The following FBXL5 variants were observed in gnomAD, a reference collection of about 807,000 sequenced individuals.
The protein encoded by FBXL5 is F-box and leucine rich repeat protein 5.
A neutral mutation model predicts 78.3 loss-of-function variants in FBXL5; 26 were observed. That is an observed-to-expected ratio of 0.33 (90% CI 0.24 to 0.46). The LOEUF is 0.46. Among genes scored for constraint, FBXL5 ranks in the 20% least tolerant of loss-of-function variants. The probability of loss-of-function intolerance (pLI) is 1.00; values close to 1 mark genes in which losing one functional copy is unlikely to be tolerated. For missense variants in FBXL5, 710 were observed against 829.2 expected, an observed-to-expected ratio of 0.86 and a Z score of 1.77; for synonymous variants, 295 against 282.5, an observed-to-expected ratio of 1.04 and a Z score of -0.45.
At chr4:15,636,375 T>C in intron 5 of FBXL5, 119 bp downstream of exon 5, 1 of 782,708 alleles carries the variant, frequency 1.3e-6, no homozygotes, top group Non-Finnish European at 1.8e-6. Flanking sequence ...ATCATCTAAC[T>C]ATAAAATCTA....
intron 9 of FBXL5, among the ~76,000 whole-genome samples, chr4:15,624,711 A>C (rs1577439894): frequency 6.6e-6 from 1 of 152,118 alleles, no homozygotes; most frequent in Non-Finnish European, 1.5e-5. Flanking sequence ...TGACTTAAAA[A>C]AGCAACAGAA....
At chr4:15,636,408 T>TTCC in intron 5 of FBXL5, 86 bp downstream of exon 5, 4 of 1,074,424 alleles carry the variant, frequency 3.7e-6, no homozygotes, top group Non-Finnish European at 5.0e-6. Context: ...CCTCTCAGAG[T>TTCC]TTCTCTCTCT....
upstream of FBXL5, among the ~76,000 whole-genome samples, chr4:15,664,824 G>A (rs1238222535): frequency 6.6e-6 from 1 of 152,020 alleles, no homozygotes; most frequent in African/African-American, 2.4e-5. Context: ...CTCCCAAAGT[G>A]CTGGGATTAC....
chr4:15,654,238 T>C (rs1365207658), intron 1 of FBXL5, among the ~76,000 whole-genome samples: 1 of 152,242 alleles, frequency 6.6e-6, no homozygotes, highest in Non-Finnish European at 1.5e-5. Context: ...ACAGTAGTCA[T>C]TTGAATGCTT....
chr4:15,636,441 G>A (rs1714273468), intron 5 of FBXL5, 53 bp downstream of exon 5: 5 of 1,356,486 alleles, frequency 3.7e-6, no homozygotes, highest in Non-Finnish European at 4.9e-6. Context: ...TAATGTAAAT[G>A]AATATTCATC....
At chr4:15,647,222 C>CAAAAAAAAAAAAA (rs112736448) in intron 1 of FBXL5, among the ~76,000 whole-genome samples, 1 of 36,528 alleles carries the variant, frequency 2.7e-5, no homozygotes, top group African/African-American at 1.1e-4. Context: ...GACTCCATCT[C>CAAAAAAAAAAAAA]AAAAAAAAAA....
intron 10 of FBXL5, among the ~76,000 whole-genome samples, chr4:15,606,291 T>A (rs922490374): frequency 6.6e-6 from 1 of 152,182 alleles, no homozygotes; most frequent in Non-Finnish European, 1.5e-5. Context: ...ATTTGCCATA[T>A]TTTTATTTAG....
chr4:15,614,779 C>T (rs1402990954), intron 9 of FBXL5, among the ~76,000 whole-genome samples: 1 of 152,140 alleles, frequency 6.6e-6, no homozygotes, highest in East Asian at 1.9e-4. Context: ...CGCTTGCTCT[C>T]AGCACCTCCT....
At chr4:15,657,152 G>A (rs984793023), upstream of FBXL5, among the ~76,000 whole-genome samples, 17 of 152,210 alleles carry the variant, frequency 1.1e-4, no homozygotes, top group African/African-American at 3.9e-4. Flanking sequence ...CCTCCAGAGA[G>A]CATTTTCTTA....
At chr4:15,614,963 C>A (rs1262791820) in intron 9 of FBXL5, among the ~76,000 whole-genome samples, 2 of 152,150 alleles carry the variant, frequency 1.3e-5, no homozygotes, top group Non-Finnish European at 2.9e-5. Flanking sequence ...TGCGGGCCAG[C>A]TGGAGTTCCG....
chr4:15,645,688 A>G (rs1715282128), intron 1 of FBXL5, among the ~76,000 whole-genome samples: 1 of 152,072 alleles, frequency 6.6e-6, no homozygotes, highest in Admixed American at 6.6e-5. Context: ...CGGCCTCCCA[A>G]AGTGCTGGGA....
At chr4:15,666,050 AT>A (rs1717531561) in intron 1 of FBXL5, among the ~76,000 whole-genome samples, 1 of 151,822 alleles carries the variant, frequency 6.6e-6, no homozygotes, top group African/African-American at 2.4e-5. Context: ...CCATTTCCTC[AT>A]CTTGTTCTTG....
chr4:15,681,524 A>G (rs1718272353), exon 1 of FBXL5: 1 of 158,116 alleles, frequency 6.3e-6, no homozygotes, highest in African/African-American at 2.4e-5. Context: ...CCCGCCCACC[A>G]GCTCAGAGGC....
intron 3 of FBXL5, 96 bp downstream of exon 3, chr4:15,640,692 T>A: frequency 1.7e-6 from 1 of 587,738 alleles, no homozygotes; most frequent in Non-Finnish European, 2.9e-6. Context: ...ATCAACCAGA[T>A]ACATCTTCCT....
At chr4:15,643,251 G>C (rs1395571095) in intron 2 of FBXL5, among the ~76,000 whole-genome samples, 2 of 151,986 alleles carry the variant, frequency 1.3e-5, no homozygotes, top group African/African-American at 4.8e-5. Context: ...TCCTCCTTTA[G>C]TCTTTTCTTT....
chr4:15,651,567 G>A (rs1490565092), intron 1 of FBXL5, among the ~76,000 whole-genome samples: 18 of 152,010 alleles, frequency 1.2e-4, no homozygotes, highest in Admixed American at 1.1e-3. Context: ...AATTGTTACA[G>A]GTATGCAGAA....
chr4:15,647,181 C>T (rs1715452077), intron 1 of FBXL5, among the ~76,000 whole-genome samples: 1 of 137,516 alleles, frequency 7.3e-6, no homozygotes, highest in Non-Finnish European at 1.5e-5. Flanking sequence ...CGAGATCATG[C>T]CACTGCACTC....
rs149814355 is a variant in FBXL5 at position 15,669,836 on chromosome 4, T to C, written c.-283-9914A>G. On this transcript the variant is annotated intron_variant, in intron 1 of 4. Transcript: ENST00000507899. ...ACATATTTTACTGATATTTTCAGCA[T>C]TTTTTATGAACTATATTTATAATTA... is the stretch of plus-strand genomic sequence containing the variant. 5.6e-3 allele frequency among the ~76,000 whole-genome samples: 855 copies of C among 152,328 alleles called. 5 individuals carry two copies. The highest frequency in any genetic ancestry group is 0.02 in the African/African-American group (822 of 41,588).
intron 5 of FBXL5, among the ~76,000 whole-genome samples, chr4:15,632,468 G>C (rs1263653505): frequency 6.6e-6 from 1 of 152,166 alleles, no homozygotes; most frequent in Non-Finnish European, 1.5e-5. Context: ...TTGGTAGCTT[G>C]ATGGCAATGG....
Sources: allele counts gnomAD v4.1 joint callset (sites outside exome capture counted in the v4.1 genomes callset), GRCh38; gene constraint gnomAD v4.1.1; transcripts MANE v1.5; gene names NCBI Gene and HGNC (gene_info 2026-07-23, HGNC 2026-07-21).